The following CAMK4 variants were observed in gnomAD, a reference collection of about 807,000 sequenced individuals.
The protein encoded by CAMK4 is calcium/calmodulin dependent protein kinase IV.
Under a neutral mutation model 44.9 loss-of-function variants are expected in CAMK4, and 22 were observed. The ratio of observed to expected loss-of-function variants is 0.49; its 90% confidence interval spans 0.35 to 0.70. CAMK4 has a LOEUF of 0.70. Among genes scored for constraint, CAMK4 ranks in the 30% least tolerant of loss-of-function variants. The pLI is 0.01. For missense variants in CAMK4, 498 were observed against 586.8 expected, an observed-to-expected ratio of 0.85 and a Z score of 1.56; for synonymous variants, 218 against 215.4, an observed-to-expected ratio of 1.01 and a Z score of -0.11.
upstream of CAMK4, chr5:111,223,730 G>A (rs1748028990): frequency 6.6e-6 from 1 of 152,430 alleles, no homozygotes; most frequent in East Asian, 1.9e-4. The surrounding 1 kb of genome is among the most constrained non-coding windows in gnomAD (Gnocchi z 4.3). Context: ...GTGTGGACCT[G>A]GGCGCTTCCT....
Position 111,449,196 on chromosome 5 carries a change from G to T in CAMK4, c.618G>T (p.Gly206=). ...VLMKTVCGTP[G]YCAPEILRGC... ...TGAAGACAGTATGTGGAACCCCAGG[G>T]TACTGCGGTATGCTCTTTAATAATT... The change falls in exon 7 of 11, where the codon GGG becomes GGT. Residue 206 remains glycine (G), a synonymous_variant. Transcript: ENST00000282356. 6.8e-7 allele frequency: 1 copy of T among 1,477,526 alleles called. No individual in the cohort carries two copies. The highest frequency in any genetic ancestry group is 9.4e-7 in the Non-Finnish European group (1 of 1,064,222). 91.5% of individuals were successfully genotyped at this position (1,477,526 alleles called of 1,614,324 possible).
At chr5:111,231,836 A>G (rs1024307684) in intron 1 of CAMK4, among the ~76,000 whole-genome samples, 1 of 152,238 alleles carries the variant, frequency 6.6e-6, no homozygotes, top group African/African-American at 2.4e-5. Flanking sequence ...TGTAATGGAA[A>G]CATAACATTT....
At chr5:111,380,436 A>G (rs557163719) in intron 4 of CAMK4, among the ~76,000 whole-genome samples, 1 of 152,056 alleles carries the variant, frequency 6.6e-6, no homozygotes. Context: ...TTTGTTGTAC[A>G]GATTGTTTCA....
At position 111,290,069 on chromosome 5, in the gene CAMK4, T is replaced by G. The variant is rs1404181611; in HGVS notation, c.162-53955T>G. On this transcript the variant is annotated intron_variant, in intron 1 of 10. Transcript: ENST00000282356. This position sits in a 1 kb window ranked among gnomAD's most constrained non-coding sequence, Gnocchi z 4.5. ...GGTAAGTATTGGTGAGAAGAGCCCA[T>G]CCCACCTTTATCCCTAGGTTTCCAG... is the stretch of plus-strand genomic sequence containing the variant. Among the ~76,000 whole-genome samples, 1 of 152,168 alleles carries G rather than the reference T, an allele frequency of 6.6e-6. No homozygotes were observed. The highest frequency in any genetic ancestry group is 2.4e-5 in the African/African-American group (1 of 41,436).
chr5:111,325,192 T>C (rs566053284), intron 1 of CAMK4, among the ~76,000 whole-genome samples: 5 of 152,180 alleles, frequency 3.3e-5, no homozygotes, highest in Non-Finnish European at 7.4e-5. Context: ...TCCTTTTTTA[T>C]GACTATATTG....
chr5:111,386,543 T>G (rs1187865966), intron 4 of CAMK4, among the ~76,000 whole-genome samples: 1 of 152,218 alleles, frequency 6.6e-6, no homozygotes, highest in Non-Finnish European at 1.5e-5. Flanking sequence ...GTTAACTGCC[T>G]GGATGGAGAT....
intron 1 of CAMK4, among the ~76,000 whole-genome samples, chr5:111,331,873 T>G (rs1461692254): frequency 6.6e-6 from 1 of 151,632 alleles, no homozygotes; most frequent in Non-Finnish European, 1.5e-5. Flanking sequence ...TATATTTATT[T>G]ATAGATTTTT....
rs3066636 is a variant in CAMK4 at position 111,317,898 on chromosome 5, T to TAAAAAAAAAAAAAAAAA, written c.162-26112_162-26096dup. Among the ~76,000 whole-genome samples the TAAAAAAAAAAAAAAAAA allele has an allele frequency of 3.6e-4, 25 of 69,830 alleles. 1 individual carries two copies. Among genetic ancestry groups the TAAAAAAAAAAAAAAAAA allele is most frequent in the East Asian group, 7.0e-4 (1 of 1,424 alleles). 45.8% of individuals were successfully genotyped at this position (69,830 alleles called of 152,430 possible). On this transcript the variant is annotated intron_variant, in intron 1 of 10. Coordinates refer to ENST00000282356, the MANE Select transcript of CAMK4 (RefSeq NM_001744.6). ...ATCCTAAAGCCGGTGGAGTAATATG[T>TAAAAAAAAAAAAAAAAA]AAAAAAAAAAAAAAAAAAAAAAAAA...
intron 1 of CAMK4, among the ~76,000 whole-genome samples, chr5:111,326,572 T>C (rs1214086102): frequency 6.6e-6 from 1 of 151,004 alleles, no homozygotes; most frequent in African/African-American, 2.4e-5. Flanking sequence ...TAAAAAAAAA[T>C]CTTCCACCTT....
intron 1 of CAMK4, among the ~76,000 whole-genome samples, chr5:111,335,178 T>C (rs1287222006): frequency 2.0e-5 from 3 of 151,556 alleles, no homozygotes; most frequent in African/African-American, 7.3e-5. Flanking sequence ...CAAACTTTAA[T>C]GCTTCCCTCA....
Position 111,431,366 on chromosome 5 carries a change from AG to A in CAMK4, c.460-15318del, listed in dbSNP as rs575625218. Among the ~76,000 whole-genome samples the A allele has an allele frequency of 2.7e-3, 411 of 152,292 alleles. 2 individuals are homozygous for A. The highest frequency in any genetic ancestry group is 3.5e-3 in the South Asian group (17 of 4,832). ...GCTGTATACAAAAATTAAATCAAAA[AG>A]GATTAAAGACTTAAACCTACAACCT... On this transcript the variant is annotated intron_variant, in intron 5 of 10. Transcript: ENST00000282356.
At chr5:111,444,286 A>C (rs1033027936) in intron 5 of CAMK4, among the ~76,000 whole-genome samples, 7 of 152,214 alleles carry the variant, frequency 4.6e-5, no homozygotes, top group Non-Finnish European at 8.8e-5. Context: ...AACAAATATT[A>C]GACGACTTAC....
intron 5 of CAMK4, among the ~76,000 whole-genome samples, chr5:111,398,922 G>A (rs1339085806): frequency 6.6e-6 from 1 of 151,996 alleles, no homozygotes; most frequent in African/African-American, 2.4e-5. Context: ...TTCTTCATCT[G>A]CACTAACCCA....
chr5:111,389,381 C>G (rs1021434906), intron 4 of CAMK4, among the ~76,000 whole-genome samples: 1 of 152,156 alleles, frequency 6.6e-6, no homozygotes, highest in Non-Finnish European at 1.5e-5. Flanking sequence ...GCACTTAACC[C>G]TAACTTAGAG....
intron 1 of CAMK4, among the ~76,000 whole-genome samples, chr5:111,297,171 A>G (rs1362968748): frequency 6.6e-6 from 1 of 152,272 alleles, no homozygotes; most frequent in Non-Finnish European, 1.5e-5. Flanking sequence ...TTAGAATCAC[A>G]TTGCAAAAAT....
intron 7 of CAMK4, among the ~76,000 whole-genome samples, chr5:111,471,868 T>G (rs761356727): frequency 6.6e-6 from 1 of 151,884 alleles, no homozygotes; most frequent in Non-Finnish European, 1.5e-5. Context: ...CCCATGAGGA[T>G]AGCCTCCCTC....
intron 7 of CAMK4, among the ~76,000 whole-genome samples, chr5:111,457,980 CCGG>C (rs1250575268): frequency 6.6e-6 from 1 of 152,200 alleles, no homozygotes; most frequent in Admixed American, 6.5e-5. Context: ...TTCTACTTGA[CCGG>C]CTCGTGTGCT....
chr5:111,308,089 G>C (rs1261609466), intron 1 of CAMK4, among the ~76,000 whole-genome samples: 1 of 112,946 alleles, frequency 8.9e-6, no homozygotes, highest in Non-Finnish European at 1.8e-5. Context: ...ATCACACTCT[G>C]GGGACTGTGG....
At chr5:111,431,419 C>CTACTACA (rs1753437573) in intron 5 of CAMK4, among the ~76,000 whole-genome samples, 2 of 152,154 alleles carry the variant, frequency 1.3e-5, no homozygotes, top group African/African-American at 4.8e-5. Context: ...TACAAGAAAA[C>CTACTACA]ATGGGGAAAA....
Sources: allele counts gnomAD v4.1 joint callset (sites outside exome capture counted in the v4.1 genomes callset), GRCh38; gene constraint gnomAD v4.1.1; non-coding constraint Gnocchi (gnomAD v3.1); transcripts MANE v1.5; gene names NCBI Gene and HGNC (gene_info 2026-07-23, HGNC 2026-07-21).